CNKSR2: variants seen among roughly 807,000 people sequenced by gnomAD.
CNKSR2 encodes connector enhancer of kinase suppressor of Ras 2.
Under a neutral mutation model 84.4 loss-of-function variants are expected in CNKSR2, and 14 were observed. The observed-to-expected ratio is 0.17, with a 90% CI of 0.11 to 0.26. The LOEUF (loss-of-function observed/expected upper bound fraction) is 0.26. CNKSR2 is among the 10% of genes least tolerant of loss of function. The probability of loss-of-function intolerance (pLI) is 1.00; values close to 1 mark genes in which losing one functional copy is unlikely to be tolerated. For synonymous variants in CNKSR2, 275 were observed against 277.9 expected (o/e 0.99, Z 0.10); for missense variants, 485 against 771.2 (o/e 0.63, Z 4.40).
intron 13 of CNKSR2, among the ~76,000 whole-genome samples, chrX:21,582,055 T>C (rs140150338): frequency 1.8e-3 from 199 of 111,625 alleles, no homozygotes; most frequent in African/African-American, 5.6e-3. Flanking sequence ...GAAATGTAAT[T>C]GCAGTCCCAT....
chrX:21,392,968 T>G lies in CNKSR2; in HGVS notation c.64+18007T>G, dbSNP rs60959728. On this transcript the variant is annotated intron_variant, in intron 1 of 21. Transcript: ENST00000379510. ...AGATCTTCCTTGTTTTTTAGTTTAATGGTGTGAAAATTCTAAAAAGCTCAG... is the reference window on the plus strand; with the variant it reads ...AGATCTTCCTTGTTTTTTAGTTTAAGGGTGTGAAAATTCTAAAAAGCTCAG... Among the ~76,000 whole-genome samples the G allele has an allele frequency of 8.1e-5, 9 of 111,636 alleles. No homozygotes were observed. In the South Asian group the frequency reaches 1.5e-3, roughly 18 times the overall value.
intron 5 of CNKSR2, among the ~76,000 whole-genome samples, chrX:21,473,745 G>GTTTT (rs768497403): frequency 5.9e-5 from 4 of 67,231 alleles, no homozygotes; most frequent in African/African-American, 2.1e-4. Context: ...TGTTGGTTTG[G>GTTTT]TTTTTTTTTT....
At chrX:21,539,372 A>G (rs943973543) in intron 11 of CNKSR2, among the ~76,000 whole-genome samples, 2 of 110,708 alleles carry the variant, frequency 1.8e-5, no homozygotes, top group Non-Finnish European at 3.8e-5. Flanking sequence ...TATGATATCT[A>G]TTTTTGTTGA....
At chrX:21,551,374 A>G (rs1217079743) in intron 11 of CNKSR2, among the ~76,000 whole-genome samples, 1 of 112,754 alleles carries the variant, frequency 8.9e-6, no homozygotes, top group Non-Finnish European at 1.9e-5. Flanking sequence ...TTTAAGAGAA[A>G]GAAAGAAAAA....
intron 8 of CNKSR2, among the ~76,000 whole-genome samples, chrX:21,510,814 A>G (rs1300433987): frequency 1.8e-5 from 2 of 111,864 alleles, no homozygotes; most frequent in Non-Finnish European, 3.8e-5. Flanking sequence ...TTTAATGTAC[A>G]TGTTGGGGAT....
chrX:21,578,180 T>C (rs1031567780), intron 13 of CNKSR2, among the ~76,000 whole-genome samples: 1 of 111,591 alleles, frequency 9.0e-6, no homozygotes, highest in African/African-American at 3.3e-5. Flanking sequence ...CCAAAACAAC[T>C]TGGAATGCTG....
intron 10 of CNKSR2, among the ~76,000 whole-genome samples, chrX:21,531,427 A>G (rs192754542): frequency 9.9e-5 from 11 of 111,349 alleles, no homozygotes; most frequent in Admixed American, 9.5e-4. Context: ...CATTATTACC[A>G]TTATACCTAC....
chrX:21,475,395 G>A (rs999632983), intron 5 of CNKSR2, among the ~76,000 whole-genome samples: 1 of 111,904 alleles, frequency 8.9e-6, no homozygotes, highest in African/African-American at 3.2e-5. Flanking sequence ...AATGGGTAAG[G>A]AGTGAAAACA....
At chrX:21,536,745 G>T (rs1334671927) in intron 11 of CNKSR2, among the ~76,000 whole-genome samples, 2 of 108,271 alleles carry the variant, frequency 1.8e-5, no homozygotes, top group Admixed American at 2.0e-4. Context: ...CTTTATTTGG[G>T]TAATCTCTGT....
chrX:21,534,203 G>A (rs2091908482), intron 11 of CNKSR2, among the ~76,000 whole-genome samples: 1 of 110,270 alleles, frequency 9.1e-6, no homozygotes, highest in African/African-American at 3.3e-5. Context: ...TTCTGGGCCT[G>A]ATGTATTTTA....
Position 21,456,622 on chromosome X carries a change from T to C in CNKSR2, c.520-14144T>C, listed in dbSNP as rs553283810. On this transcript the variant is annotated intron_variant, in intron 4 of 21. Transcript: ENST00000379510. ...ACATTTTCTGTATCCATTCATCTTA[T>C]GTAGTACACTTAGATTGTTTCTATA... 5.5e-4 allele frequency among the ~76,000 whole-genome samples: 62 copies of C among 111,950 alleles called. 1 individual carries two copies. In the South Asian group the frequency reaches 0.023, roughly 41 times the overall value.
At chrX:21,445,652 A>G (rs1261062932) in intron 4 of CNKSR2, among the ~76,000 whole-genome samples, 5 of 111,311 alleles carry the variant, frequency 4.5e-5, no homozygotes, top group African/African-American at 1.6e-4. Flanking sequence ...CTCTACTTCT[A>G]TGAGCTCAAT....
intron 5 of CNKSR2, 172 bp downstream of exon 5, chrX:21,470,979 A>G (rs1017664883): frequency 1.8e-4 from 40 of 224,601 alleles, no homozygotes; most frequent in Non-Finnish European, 2.9e-4. Context: ...TAACCATTCT[A>G]TTGTACCTAA....
intron 3 of CNKSR2, among the ~76,000 whole-genome samples, chrX:21,435,677 T>C (rs1356632232): frequency 8.9e-6 from 1 of 111,994 alleles, no homozygotes; most frequent in East Asian, 2.8e-4. Flanking sequence ...ACACCTCATA[T>C]TTCTTGCAGT....
intron 11 of CNKSR2, among the ~76,000 whole-genome samples, chrX:21,539,477 A>C (rs1320810748): frequency 1.9e-5 from 2 of 107,718 alleles, no homozygotes; most frequent in Non-Finnish European, 3.8e-5. Context: ...CATTATTTTG[A>C]ATTGCTTTTC....
chrX:21,572,261 G>T (rs1392372650), intron 13 of CNKSR2, among the ~76,000 whole-genome samples: 1 of 111,965 alleles, frequency 8.9e-6, no homozygotes, highest in East Asian at 2.8e-4. Context: ...ACCCAGAAGT[G>T]ACAGTACTTT....
intron 3 of CNKSR2, among the ~76,000 whole-genome samples, chrX:21,434,989 G>A (rs1386612657): frequency 9.4e-6 from 1 of 106,085 alleles, no homozygotes; most frequent in Non-Finnish European, 1.9e-5. Context: ...ATTTATTTTT[G>A]TCTGACATTG....
chrX:21,568,571 A>G (rs987698506), intron 13 of CNKSR2, among the ~76,000 whole-genome samples: 4 of 111,159 alleles, frequency 3.6e-5, no homozygotes, highest in African/African-American at 1.3e-4. Flanking sequence ...ACTTTCAGCC[A>G]CTCTGGCCAA....
intron 17 of CNKSR2, among the ~76,000 whole-genome samples, chrX:21,598,319 C>T (rs1319047853): frequency 9.0e-6 from 1 of 111,013 alleles, no homozygotes; most frequent in East Asian, 2.8e-4. Flanking sequence ...CTATATATTC[C>T]TTACCATGTC....
Sources: allele counts gnomAD v4.1 joint callset (sites outside exome capture counted in the v4.1 genomes callset), GRCh38; gene constraint gnomAD v4.1.1; transcripts MANE v1.5; gene names NCBI Gene and HGNC (gene_info 2026-07-23, HGNC 2026-07-21).